MTBP: variants seen among roughly 807,000 people sequenced by gnomAD.
MTBP encodes mdm2-binding protein.
MTBP carries 101 observed loss-of-function variants against 117.0 expected under a neutral mutation model. That is an observed-to-expected ratio of 0.86 (90% CI 0.73 to 1.02). The LOEUF is 1.02. Among genes scored for constraint, MTBP ranks in the 50% least tolerant of loss-of-function variants. MTBP has a pLI of 0.00. For missense variants in MTBP, 970 were observed against 1,030.9 expected (o/e 0.94, Z 0.81); for synonymous variants, 350 against 351.5 (o/e 1.00, Z 0.05).
Position 120,517,840 on chromosome 8 carries a change from C to A in MTBP, c.2247-11C>A, listed in dbSNP as rs1240045325. ...AATCTACGTTCTTGATTTTTTTCCC[C>A]TGCTATATAGACTTGTGAAATCTGA... On this transcript the variant is annotated splice_polypyrimidine_tract_variant and intron_variant, in intron 18 of 21. Coordinates refer to ENST00000305949, the MANE Select transcript of MTBP (RefSeq NM_022045.5). 1.2e-6 allele frequency: 2 copies of A among 1,601,214 alleles called. No homozygotes were observed. Among genetic ancestry groups the A allele is most frequent in the South Asian group, 1.1e-5 (1 of 89,034 alleles).
chr8:120,455,515 G>A lies in MTBP; in HGVS notation c.565G>A (p.Ala189Thr). 2 of 1,608,416 alleles carry A rather than the reference G, an allele frequency of 1.2e-6. No individual in the cohort carries two copies. Among genetic ancestry groups the A allele is most frequent in the Non-Finnish European group, 1.7e-6 (2 of 1,176,186 alleles). Residue 189 changes from alanine to threonine, a missense_variant, in exon 6 of 22, where the codon GCA (alanine) becomes ACA (threonine). Coordinates refer to ENST00000305949, the MANE Select transcript of MTBP (RefSeq NM_022045.5). ...GAAAGACTATTTACCTACTGTAGGA[G>A]CATTAAAACATTTGAGAGAATGGTA... ...KLKDYLPTVG[A>T]LKHLREWYSA...
At chr8:120,469,534 C>T (rs1406891421) in intron 10 of MTBP, among the ~76,000 whole-genome samples, 3 of 152,154 alleles carry the variant, frequency 2.0e-5, no homozygotes, top group African/African-American at 4.8e-5. Context: ...CTTTGCAAAA[C>T]TTTTTGAACC....
chr8:120,517,739 A>G, intron 18 of MTBP, 112 bp from the exon 19 acceptor site: 1 of 1,060,622 alleles, frequency 9.4e-7, no homozygotes, highest in South Asian at 1.6e-5. Context: ...CAGAAAATGA[A>G]CTTCGATGTT....
chr8:120,481,448 A>AT (rs35638495), intron 11 of MTBP, among the ~76,000 whole-genome samples: 2,182 of 151,718 alleles, frequency 0.014, 41 homozygotes, highest in African/African-American at 0.041. Context: ...TGAAGAGATC[A>AT]TTTTTTTTTG....
intron 4 of MTBP, chr8:120,452,873 G>A (rs1388941831): frequency 6.7e-6 from 1 of 150,180 alleles, no homozygotes; most frequent in African/African-American, 2.4e-5. Context: ...AAAAGTTTCT[G>A]ATAAGTGACC....
chr8:120,458,087 GA>G (rs1813508812), intron 7 of MTBP, among the ~76,000 whole-genome samples: 1 of 152,072 alleles, frequency 6.6e-6, no homozygotes, highest in Non-Finnish European at 1.5e-5. Context: ...CTTTTCATGT[GA>G]TTCTTTTATT....
intron 17 of MTBP, among the ~76,000 whole-genome samples, chr8:120,510,381 G>A (rs931318203): frequency 5.3e-5 from 8 of 152,010 alleles, no homozygotes; most frequent in East Asian, 1.9e-4. Context: ...ATAGGGCCCA[G>A]CATTTCAATA....
At chr8:120,485,345 G>A (rs899489029) in intron 11 of MTBP, among the ~76,000 whole-genome samples, 3 of 152,028 alleles carry the variant, frequency 2.0e-5, no homozygotes, top group Non-Finnish European at 2.9e-5. Context: ...ATTTGTTGGT[G>A]TGTTGTTTAA....
intron 11 of MTBP, among the ~76,000 whole-genome samples, chr8:120,474,122 T>G (rs1813883907): frequency 6.6e-6 from 1 of 152,062 alleles, no homozygotes; most frequent in African/African-American, 2.4e-5. Flanking sequence ...TTTTTAAAAT[T>G]ATCTCCTCTT....
intron 16 of MTBP, among the ~76,000 whole-genome samples, chr8:120,509,663 AT>A (rs1290870839): frequency 6.6e-6 from 1 of 152,084 alleles, no homozygotes; most frequent in Non-Finnish European, 1.5e-5. Context: ...TATAAATCAT[AT>A]TGCATTTTTG....
chr8:120,448,692 A>G (rs1376290058), intron 2 of MTBP, among the ~76,000 whole-genome samples: 4 of 152,220 alleles, frequency 2.6e-5, no homozygotes, highest in Non-Finnish European at 5.9e-5. Flanking sequence ...ATGCAGTTAT[A>G]GTTAGTGAAT....
chr8:120,501,677 A>G (rs539959701), intron 14 of MTBP, among the ~76,000 whole-genome samples: 14 of 152,344 alleles, frequency 9.2e-5, no homozygotes, highest in African/African-American at 2.9e-4. Context: ...ATAATTTTCA[A>G]TGAGTTTATT....
At position 120,462,543 on chromosome 8, in the gene MTBP, A is replaced by C. The variant is rs568389925; in HGVS notation, c.978-1149A>C. On this transcript the variant is annotated intron_variant, in intron 9 of 21. Transcript: ENST00000305949. ...AGGTAGTTTAAAAAATTTTTTATCC[A>C]TTATACATTACTGTTGAGAACCATT... Among the ~76,000 whole-genome samples, 6 of 152,262 alleles carry C rather than the reference A, an allele frequency of 3.9e-5. No homozygotes were observed. The South Asian group carries it at 1.2e-3, about 32-fold the overall frequency.
intron 11 of MTBP, among the ~76,000 whole-genome samples, chr8:120,477,193 A>G (rs1813960997): frequency 6.6e-6 from 1 of 152,210 alleles, no homozygotes; most frequent in Non-Finnish European, 1.5e-5. Context: ...AAAACTGGCT[A>G]GCCATATGCA....
At chr8:120,518,503 T>C (rs1814959232) in intron 19 of MTBP, among the ~76,000 whole-genome samples, 1 of 152,030 alleles carries the variant, frequency 6.6e-6, no homozygotes, top group Non-Finnish European at 1.5e-5. Flanking sequence ...AGTCATTTCC[T>C]GCTAACATAT....
At chr8:120,520,114 G>C (rs1327621125) in intron 20 of MTBP, among the ~76,000 whole-genome samples, 1 of 152,132 alleles carries the variant, frequency 6.6e-6, no homozygotes, top group Non-Finnish European at 1.5e-5. Context: ...AGCAGGCTTT[G>C]AGGAAAGCTT....
intron 6 of MTBP, 149 bp from the exon 7 acceptor site, chr8:120,456,404 G>A (rs1813468263): frequency 7.3e-6 from 4 of 547,958 alleles, no homozygotes; most frequent in Non-Finnish European, 9.7e-6. Flanking sequence ...TGCACTTAGA[G>A]ACTGACTTAA....
chr8:120,476,355 A>G (rs561556613), intron 11 of MTBP, among the ~76,000 whole-genome samples: 4 of 152,266 alleles, frequency 2.6e-5, no homozygotes, highest in African/African-American at 9.6e-5. Flanking sequence ...CAAGACAAAG[A>G]TGCCGTCTCT....
intron 11 of MTBP, among the ~76,000 whole-genome samples, chr8:120,474,930 A>G (rs549721587): frequency 1.3e-5 from 2 of 152,220 alleles, no homozygotes; most frequent in Admixed American, 6.5e-5. Context: ...TGGTAAAAAC[A>G]AGTTTGTGTG....
Sources: gnomAD v4.1 joint callset for allele counts (sites outside exome capture counted in the v4.1 genomes callset) on GRCh38, gnomAD v4.1.1 for gene constraint, MANE v1.5 for transcripts, NCBI Gene and HGNC (gene_info 2026-07-23, HGNC 2026-07-21) for gene names.